Variants in PPP3CA observed in about 807,000 individuals in gnomAD.
PPP3CA encodes protein phosphatase 3 catalytic subunit alpha, also known as CAM-PRP catalytic subunit.
PPP3CA carries 14 observed loss-of-function variants against 66.5 expected under a neutral mutation model. The ratio of observed to expected loss-of-function variants is 0.21; its 90% CI spans 0.14 to 0.33. PPP3CA has a LOEUF of 0.33. Ranked by LOEUF, PPP3CA falls within the 10% of genes least tolerant of loss-of-function variation. The pLI, the probability that PPP3CA is intolerant of heterozygous loss-of-function variation, is 1.00. For synonymous variants in PPP3CA, 232 were observed against 226.2 expected (o/e 1.03, Z -0.23); for missense variants, 317 against 639.5 (o/e 0.50, Z 5.44).
At chr4:101,101,094 A>G (rs1293761806) in intron 3 of PPP3CA, among the ~76,000 whole-genome samples, 2 of 152,164 alleles carry the variant, frequency 1.3e-5, no homozygotes, top group Admixed American at 6.6e-5. Flanking sequence ...TAAATTATAT[A>G]TGTTACTTTA....
At chr4:101,121,781 G>C (rs780126910) in intron 2 of PPP3CA, among the ~76,000 whole-genome samples, 3 of 152,196 alleles carry the variant, frequency 2.0e-5, no homozygotes, top group Non-Finnish European at 4.4e-5. Flanking sequence ...AAATACAACT[G>C]ATTTTCTCAA....
intron 1 of PPP3CA, chr4:101,250,469 A>C: frequency 2.6e-6 from 1 of 389,538 alleles, no homozygotes; most frequent in South Asian, 1.9e-5. Context: ...TGGTAAACTT[A>C]TGTGAAGCTC....
intron 1 of PPP3CA, among the ~76,000 whole-genome samples, chr4:101,256,083 GATGTTCTATTCACCACTC>G (rs1726831625): frequency 6.6e-6 from 1 of 151,890 alleles, no homozygotes; most frequent in East Asian, 1.9e-4. Flanking sequence ...CAGGGGTGCT[GATGTTCTATTCACCACTC>G]TTCTTACATC....
At chr4:101,305,790 G>C (rs1160685983) in intron 1 of PPP3CA, among the ~76,000 whole-genome samples, 1 of 152,090 alleles carries the variant, frequency 6.6e-6, no homozygotes, top group African/African-American at 2.4e-5. Context: ...TGTTTAAAAA[G>C]AATCAATGAT....
chr4:101,177,060 T>G (rs191093058), intron 2 of PPP3CA, among the ~76,000 whole-genome samples: 1 of 152,184 alleles, frequency 6.6e-6, no homozygotes, highest in Non-Finnish European at 1.5e-5. Context: ...AAGAAACACA[T>G]GTAGGAGTGG....
At chr4:101,240,719 A>G (rs537007655) in intron 1 of PPP3CA, 10 of 152,092 alleles carry the variant, frequency 6.6e-5, no homozygotes, top group Non-Finnish European at 1.3e-4. Flanking sequence ...ATATTCAGAA[A>G]ATCTTTCTAA....
At chr4:101,337,479 T>C (rs908326226) in intron 1 of PPP3CA, among the ~76,000 whole-genome samples, 1 of 152,174 alleles carries the variant, frequency 6.6e-6, no homozygotes, top group African/African-American at 2.4e-5. Context: ...TGGAACGAGA[T>C]AGAGTACTCA....
intron 1 of PPP3CA, chr4:101,240,774 T>C (rs1334771397): frequency 6.6e-6 from 1 of 152,156 alleles, no homozygotes; most frequent in Non-Finnish European, 1.5e-5. Flanking sequence ...GATCCAACCT[T>C]AGAAGACTCC....
At chr4:101,230,921 C>T (rs1303524220) in intron 1 of PPP3CA, among the ~76,000 whole-genome samples, 2 of 151,680 alleles carry the variant, frequency 1.3e-5, no homozygotes, top group African/African-American at 2.4e-5. Context: ...TAACTGTCTC[C>T]TTTTCCCTCC....
At chr4:101,279,825 A>C (rs1727624036) in intron 1 of PPP3CA, among the ~76,000 whole-genome samples, 1 of 152,242 alleles carries the variant, frequency 6.6e-6, no homozygotes, top group East Asian at 1.9e-4. Context: ...AGAATGAGCA[A>C]TTTGCTCAGA....
Position 101,023,639 on chromosome 4 carries a change from C to T in PPP3CA, c.*2226G>A, listed in dbSNP as rs2110198825. On this transcript the variant is annotated 3_prime_UTR_variant, in exon 14 of 14. Coordinates refer to ENST00000394854, the MANE Select transcript of PPP3CA (RefSeq NM_000944.5). Reference sequence around the variant, plus strand: ...ATCTAAATATTTTCCTTGGTTGCCACTTTTTTTAGGATGGAGAAATATCCA... The same window carrying T: ...ATCTAAATATTTTCCTTGGTTGCCATTTTTTTTAGGATGGAGAAATATCCA... 6.6e-6 allele frequency: 1 copy of T among 152,646 alleles called. No individual in the cohort carries two copies. The highest frequency in any genetic ancestry group is 1.5e-5 in the Non-Finnish European group (1 of 68,008). 9.5% of individuals were successfully genotyped at this position (152,646 alleles called of 1,614,324 possible).
intron 10 of PPP3CA, among the ~76,000 whole-genome samples, chr4:101,043,671 G>A (rs376771327): frequency 2.9e-4 from 44 of 152,094 alleles, no homozygotes; most frequent in African/African-American, 9.6e-4. Context: ...TTGGGAGATC[G>A]AGACCATCCT....
At chr4:101,153,347 T>C (rs1189335258) in intron 2 of PPP3CA, among the ~76,000 whole-genome samples, 5 of 152,192 alleles carry the variant, frequency 3.3e-5, no homozygotes, top group Non-Finnish European at 5.9e-5. Flanking sequence ...ACAATAGAAC[T>C]TGCTAAGTTC....
chr4:101,139,377 A>T (rs2110289911), intron 2 of PPP3CA, among the ~76,000 whole-genome samples: 1 of 150,014 alleles, frequency 6.7e-6, no homozygotes, highest in South Asian at 2.1e-4. Flanking sequence ...AGGACAACCC[A>T]TTAAAGGTAT....
chr4:101,250,572 T>C (rs1334995225), intron 1 of PPP3CA, among the ~76,000 whole-genome samples: 1 of 152,182 alleles, frequency 6.6e-6, no homozygotes. Context: ...TACTGGCAGC[T>C]TGTGATTCAA....
chr4:101,027,049 A>C lies in PPP3CA; in HGVS notation c.1370-988T>G, dbSNP rs1033619179. Among the ~76,000 whole-genome samples the C allele has an allele frequency of 3.7e-4, 56 of 152,190 alleles. 1 individual carries two copies. The highest frequency in any genetic ancestry group is 8.8e-5 in the Non-Finnish European group (6 of 68,026). On this transcript the variant is annotated intron_variant, in intron 13 of 13. Coordinates refer to ENST00000394854, the MANE Select transcript of PPP3CA (RefSeq NM_000944.5). Reference sequence around the variant, plus strand: ...AGCGATAGGTAAGGCATTTGTACAAAAAACTTAATGATTTCTTCAGTGAGT... The same window carrying C: ...AGCGATAGGTAAGGCATTTGTACAACAAACTTAATGATTTCTTCAGTGAGT...
chr4:101,036,008 C>T (rs1727228698), intron 11 of PPP3CA, among the ~76,000 whole-genome samples: 1 of 152,172 alleles, frequency 6.6e-6, no homozygotes, highest in African/African-American at 2.4e-5. Context: ...TTACATGTGG[C>T]TGTTAACCAC....
At chr4:101,235,384 T>C (rs1726093435) in intron 1 of PPP3CA, among the ~76,000 whole-genome samples, 1 of 151,272 alleles carries the variant, frequency 6.6e-6, no homozygotes, top group Admixed American at 6.6e-5. Context: ...CTGAAAGGGC[T>C]ACCAGACCTA....
At chr4:101,290,322 G>T (rs1004002560) in intron 1 of PPP3CA, among the ~76,000 whole-genome samples, 1 of 152,066 alleles carries the variant, frequency 6.6e-6, no homozygotes, top group Non-Finnish European at 1.5e-5. Flanking sequence ...CACCCATTCC[G>T]CTCCTGTTAA....
Sources: allele counts gnomAD v4.1 joint callset (sites outside exome capture counted in the v4.1 genomes callset), GRCh38; gene constraint gnomAD v4.1.1; transcripts MANE v1.5; gene names NCBI Gene and HGNC (gene_info 2026-07-23, HGNC 2026-07-21).